The following ACAT2 variants were observed in gnomAD, a reference collection of about 807,000 sequenced individuals.
ACAT2 encodes the protein acetyl-CoA acetyltransferase 2.
ACAT2 carries 26 observed loss-of-function variants against 37.1 expected under a neutral mutation model. The ratio of observed to expected loss-of-function variants is 0.70; its 90% CI spans 0.51 to 0.97. The LOEUF is 0.97. Among genes scored for constraint, ACAT2 ranks in the 50% least tolerant of loss-of-function variants. ACAT2 has a pLI of 0.00. For missense variants in ACAT2, 468 were observed against 489.0 expected, an observed-to-expected ratio of 0.96 and a Z score of 0.40; for synonymous variants, 156 against 163.6, an observed-to-expected ratio of 0.95 and a Z score of 0.35.
intron 4 of ACAT2, among the ~76,000 whole-genome samples, chr6:159,770,681 A>G (rs972345425): frequency 4.6e-5 from 7 of 152,172 alleles, no homozygotes; most frequent in African/African-American, 1.7e-4. Flanking sequence ...AATGGCCTTA[A>G]CAGCATCTTG....
intron 1 of ACAT2, 150 bp from the exon 2 acceptor site, chr6:159,762,769 G>T: frequency 6.3e-7 from 1 of 1,588,566 alleles, no homozygotes; most frequent in Non-Finnish European, 8.5e-7. Flanking sequence ...CCTTTGCTCA[G>T]ACCAGCAGGT....
In ACAT2 at chr6:159,762,308, G is replaced by T; in HGVS notation, c.55+166G>T. 1.6e-6 allele frequency: 2 copies of T among 1,221,226 alleles called. No individual in the cohort carries two copies. The highest frequency in any genetic ancestry group is 2.2e-6 in the Non-Finnish European group (2 of 903,254). 75.6% of individuals were successfully genotyped at this position (1,221,226 alleles called of 1,614,324 possible). A position where few individuals can be genotyped will look rare whatever the true frequency, so the allele number is the denominator to read the frequency against. On this transcript the variant is annotated intron_variant, in intron 1 of 8. Coordinates refer to ENST00000367048, the MANE Select transcript of ACAT2 (RefSeq NM_005891.3). ...GAACCCTGCGGCTCCCGCGTTCCCT[G>T]ACCTGGTGCTACAGCCCCACCCTCT...
intron 4 of ACAT2, among the ~76,000 whole-genome samples, chr6:159,773,409 A>G (rs995739613): frequency 7.9e-5 from 12 of 152,214 alleles, no homozygotes; most frequent in African/African-American, 2.4e-4. Flanking sequence ...ACTAAAAGGA[A>G]CTAAGGTTGT....
At chr6:159,768,030 C>T (rs1390814150) in intron 3 of ACAT2, among the ~76,000 whole-genome samples, 1 of 152,214 alleles carries the variant, frequency 6.6e-6, no homozygotes, top group African/African-American at 2.4e-5. Context: ...TCTTTCCATT[C>T]TAATATACCT....
chr6:159,777,505 T>C, intron 7 of ACAT2, 49 bp downstream of exon 7: 1 of 1,550,752 alleles, frequency 6.4e-7, no homozygotes, highest in Non-Finnish European at 8.7e-7. Context: ...CCTGTTAGCC[T>C]TAAGTGAGCT....
rs1408516010 is a variant in ACAT2, at chr6:159,763,029, A to G, written c.166A>G (p.Ile56Val). The G allele has an allele frequency of 1.9e-6, 3 of 1,612,884 alleles. No homozygotes were observed. The highest frequency in any genetic ancestry group is 2.7e-5 in the African/African-American group (2 of 74,814). ...GGCTCCGGAAGATGTGTCTGAGGTC[A>G]TCTTTGGACATGTCTTGGCAGCAGG... ...TVAPEDVSEVIFGHVLAAGCG... is the reference protein window; with the variant it reads ...TVAPEDVSEVVFGHVLAAGCG... Residue 56 changes from isoleucine to valine, a missense_variant, in exon 2 of 9, where the codon ATC (isoleucine) becomes GTC (valine). Physicochemically the swap from Ile to Val is conservative, Grantham distance 29. Transcript: ENST00000367048.
chr6:159,778,962 G>A lies in ACAT2; in HGVS notation c.*133G>A. On this transcript the variant is annotated 3_prime_UTR_variant, in exon 9 of 9. Transcript: ENST00000367048. The stretch of plus-strand genomic sequence containing the variant: ...TCACAAAAACCCAAGTTTACAGCTT[G>A]TACTTTACTTTAATGTGTAATACTC... 6.4e-7 allele frequency: 1 copy of A among 1,559,204 alleles called. No individual in the cohort carries two copies. The highest frequency in any genetic ancestry group is 1.2e-5 in the South Asian group (1 of 83,692).
At chr6:159,775,505 T>A in intron 5 of ACAT2, 192 bp downstream of exon 5, 1 of 611,876 alleles carries the variant, frequency 1.6e-6, no homozygotes, top group Non-Finnish European at 2.7e-6. Context: ...GGGACCTATG[T>A]CAGCACTCAA....
chr6:159,778,758 A>C lies in ACAT2; in HGVS notation c.1123A>C (p.Arg375=). 1 of 1,614,248 alleles carries C rather than the reference A, an allele frequency of 6.2e-7. No homozygotes were observed. Residue 375 remains arginine (R), a synonymous_variant, in exon 9 of 9, where the codon AGA becomes CGA. Transcript: ENST00000367048. ...TLLHTLERMG[R]SRGVAALCIG... is the part of the protein sequence containing the mutation. ...GTTACACACACTGGAGAGAATGGGCAGAAGTCGTGGTGTTGCAGCCCTGTG... is the reference window on the plus strand; with the variant it reads ...GTTACACACACTGGAGAGAATGGGCCGAAGTCGTGGTGTTGCAGCCCTGTG...
intron 3 of ACAT2, 30 bp from the exon 4 acceptor site, chr6:159,768,481 C>G (rs1299165952): frequency 1.3e-5 from 20 of 1,500,204 alleles, no homozygotes; most frequent in Non-Finnish European, 1.4e-5. Context: ...TGCAACTAAG[C>G]CTAAATCCAT....
rs746884793 is a variant in ACAT2 at position 159,767,085 on chromosome 6, A to G, written c.271A>G (p.Ile91Val). The G allele has an allele frequency of 3.7e-6, 6 of 1,614,204 alleles. No individual in the cohort carries two copies. Among genetic ancestry groups the G allele is most frequent in the Non-Finnish European group, 4.2e-6 (5 of 1,180,016 alleles). ...TGTTCCAGCATGGAGCTGCCAGATG[A>G]TCTGTGGGTCAGGCCTAAAAGCTGT... Reference protein sequence around the residue: ...YSVPAWSCQMICGSGLKAVCL... With the variant: ...YSVPAWSCQMVCGSGLKAVCL... The change falls in exon 3 of 9, where the codon ATC (isoleucine) becomes GTC (valine). Residue 91 changes from isoleucine to valine, a missense_variant. Ile to Val is a conservative substitution (Grantham distance 29). Transcript: ENST00000367048.
chr6:159,767,469 T>C (rs549879368), intron 3 of ACAT2, among the ~76,000 whole-genome samples: 18 of 152,346 alleles, frequency 1.2e-4, no homozygotes, highest in African/African-American at 4.3e-4. Context: ...TTCATATTAG[T>C]TGCTTGATGT....
At chr6:159,768,360 C>A (rs902783210) in intron 3 of ACAT2, 151 bp from the exon 4 acceptor site, 2 of 624,412 alleles carry the variant, frequency 3.2e-6, no homozygotes, top group Non-Finnish European at 5.8e-6. Flanking sequence ...GGTCTTTAGA[C>A]CTTGGCCTGG....
intron 4 of ACAT2, among the ~76,000 whole-genome samples, chr6:159,769,920 A>C (rs1020302898): frequency 6.6e-6 from 1 of 152,244 alleles, no homozygotes; most frequent in African/African-American, 2.4e-5. Flanking sequence ...TACAAGGCCT[A>C]GTAGAAAAGA....
rs77560449 is a variant in ACAT2, at chr6:159,766,395, A to ACC, written c.191-604_191-603dup. On this transcript the variant is annotated intron_variant, in intron 2 of 8. Transcript: ENST00000367048. The stretch of plus-strand genomic sequence containing the variant: ...TAGGTTTGATAATGCTTATTTAAGC[A>ACC]CCCCCCCGCACTTTTTTTTTTTTGA... Among the ~76,000 whole-genome samples the ACC allele has an allele frequency of 2.3e-3, 347 of 148,460 alleles. 4 individuals carry two copies. Among genetic ancestry groups the ACC allele is most frequent in the East Asian group, 6.9e-3 (35 of 5,078 alleles).
chr6:159,763,061 T>A lies in ACAT2; in HGVS notation c.190+8T>A. On this transcript the variant is annotated splice_region_variant and intron_variant, in intron 2 of 8. Transcript: ENST00000367048. ...GACATGTCTTGGCAGCAGGTAAGTCTCAGTGATTCCAGGAGAAGTCAGGCT... is the reference window on the plus strand; with the variant it reads ...GACATGTCTTGGCAGCAGGTAAGTCACAGTGATTCCAGGAGAAGTCAGGCT... 6.2e-7 allele frequency: 1 copy of A among 1,607,304 alleles called. No homozygotes were observed. Among genetic ancestry groups the A allele is most frequent in the Non-Finnish European group, 8.5e-7 (1 of 1,177,176 alleles).
chr6:159,778,854 A>T lies in ACAT2; in HGVS notation c.*25A>T. The stretch of plus-strand genomic sequence containing the variant: ...AATTGCTTAAACTTTGAACAACCTC[A>T]ATTTCTTTTTAAACTAATAAAGTAC... On this transcript the variant is annotated 3_prime_UTR_variant, in exon 9 of 9. Coordinates refer to ENST00000367048, the MANE Select transcript of ACAT2 (RefSeq NM_005891.3). 6.2e-7 allele frequency: 1 copy of T among 1,613,726 alleles called. No individual in the cohort carries two copies. Among genetic ancestry groups the T allele is most frequent in the Non-Finnish European group, 8.5e-7 (1 of 1,179,656 alleles).
chr6:159,767,126 G>A lies in ACAT2; in HGVS notation c.312G>A (p.Gln104=), dbSNP rs765537140. ...SGLKAVCLAV[Q]SIGIGDSSIV... Reference sequence around the variant, plus strand: ...TAAAAGCTGTGTGCCTTGCAGTCCAGTCAATAGGGATAGGAGACTCCAGCA... The same window carrying A: ...TAAAAGCTGTGTGCCTTGCAGTCCAATCAATAGGGATAGGAGACTCCAGCA... The change falls in exon 3 of 9, where the codon CAG becomes CAA. Residue 104 remains glutamine (Q), a synonymous_variant. Transcript: ENST00000367048. 1 of 1,614,228 alleles carries A rather than the reference G, an allele frequency of 6.2e-7. No homozygotes were observed. The highest frequency in any genetic ancestry group is 1.7e-5 in the Admixed American group (1 of 60,030).
chr6:159,774,308 C>T (rs1349684789), intron 4 of ACAT2, among the ~76,000 whole-genome samples: 1 of 152,162 alleles, frequency 6.6e-6, no homozygotes, highest in Admixed American at 6.5e-5. Flanking sequence ...CAAAAGCAAA[C>T]TAGAGAGATT....
Sources: gnomAD v4.1 joint callset for allele counts (sites outside exome capture counted in the v4.1 genomes callset) on GRCh38, gnomAD v4.1.1 for gene constraint, MANE v1.5 for transcripts, NCBI Gene and HGNC (gene_info 2026-07-23, HGNC 2026-07-21) for gene names.